The following RSRC1 variants were observed in gnomAD, a reference collection of about 807,000 sequenced individuals.
RSRC1 encodes serine/Arginine-related protein 53.
A neutral mutation model predicts 49.1 loss-of-function variants in RSRC1; 39 were observed. The observed-to-expected ratio is 0.79, with a 90% confidence interval of 0.61 to 1.04. The LOEUF (loss-of-function observed/expected upper bound fraction) is 1.04, where lower values mean the gene tolerates loss of function less well. Among genes scored for constraint, RSRC1 ranks in the 50% least tolerant of loss-of-function variants. The probability of loss-of-function intolerance (pLI) is 0.00; values close to 1 mark genes in which losing one functional copy is unlikely to be tolerated. For synonymous variants in RSRC1, 143 were observed against 130.8 expected (o/e 1.09, Z -0.63); for missense variants, 388 against 402.4 (o/e 0.96, Z 0.31).
At chr3:158,196,973 G>A (rs182324682) in intron 3 of RSRC1, among the ~76,000 whole-genome samples, 14 of 152,146 alleles carry the variant, frequency 9.2e-5, no homozygotes, top group East Asian at 3.9e-4. Context: ...TTTTTTTGTT[G>A]TGTCTCTGCC....
chr3:158,397,519 G>A (rs1028743991), intron 6 of RSRC1, among the ~76,000 whole-genome samples: 1 of 152,032 alleles, frequency 6.6e-6, no homozygotes, highest in Non-Finnish European at 1.5e-5. Context: ...AAATGACCCA[G>A]CATTTCATTT....
intron 4 of RSRC1, among the ~76,000 whole-genome samples, chr3:158,283,536 C>T (rs1726306426): frequency 6.6e-6 from 1 of 151,794 alleles, no homozygotes; most frequent in Non-Finnish European, 1.5e-5. Flanking sequence ...AGCACAAGAC[C>T]ATTTCGTGAA....
At chr3:158,246,608 T>A (rs1723916387) in intron 4 of RSRC1, among the ~76,000 whole-genome samples, 1 of 152,202 alleles carries the variant, frequency 6.6e-6, no homozygotes, top group African/African-American at 2.4e-5. Context: ...TTTGCTTGTC[T>A]GAAGAGGATT....
At chr3:158,470,870 T>C (rs1560056952) in intron 7 of RSRC1, among the ~76,000 whole-genome samples, 1 of 152,152 alleles carries the variant, frequency 6.6e-6, no homozygotes, top group Non-Finnish European at 1.5e-5. Context: ...GTACAGTGCA[T>C]TAGACAATAC....
At chr3:158,195,462 G>A (rs1208183624) in intron 3 of RSRC1, among the ~76,000 whole-genome samples, 2 of 151,852 alleles carry the variant, frequency 1.3e-5, no homozygotes, top group African/African-American at 4.8e-5. Context: ...TGTTCACTCT[G>A]ATGGTAGTTT....
chr3:158,453,770 A>T (rs941107607), intron 6 of RSRC1, among the ~76,000 whole-genome samples: 2 of 151,988 alleles, frequency 1.3e-5, no homozygotes, highest in Non-Finnish European at 2.9e-5. Context: ...TTTCTAATGT[A>T]TGGCCCTGTG....
intron 6 of RSRC1, among the ~76,000 whole-genome samples, chr3:158,452,934 C>G (rs1270228432): frequency 1.3e-5 from 2 of 152,182 alleles, no homozygotes; most frequent in African/African-American, 4.8e-5. Flanking sequence ...TGCATGCTTT[C>G]TGCCCTCTTT....
chr3:158,221,927 C>T (rs781444908), intron 4 of RSRC1, among the ~76,000 whole-genome samples: 12 of 151,500 alleles, frequency 7.9e-5, no homozygotes, highest in Admixed American at 2.0e-4. Flanking sequence ...ATACTTCCAA[C>T]ATTTTCAGTA....
At chr3:158,438,308 G>GA (rs780917467) in intron 6 of RSRC1, among the ~76,000 whole-genome samples, 3 of 152,192 alleles carry the variant, frequency 2.0e-5, no homozygotes, top group Non-Finnish European at 4.4e-5. Flanking sequence ...CACAGAATTG[G>GA]AAAAAACTAC....
chr3:158,240,181 A>G lies in RSRC1; in HGVS notation c.494+36936A>G, dbSNP rs1279556676. Among the ~76,000 whole-genome samples, 3 of 152,072 alleles carry G rather than the reference A, an allele frequency of 2.0e-5. No individual in the cohort carries two copies. In the East Asian group the frequency reaches 5.8e-4, roughly 29 times the overall value. ...TGTTGCCTGTCTGCCTATTACAGTT[A>G]TTATTTTTTATCACTCATATCTTTG... On this transcript the variant is annotated intron_variant, in intron 4 of 9. Coordinates refer to ENST00000611884, the MANE Select transcript of RSRC1 (RefSeq NM_001271838.2).
At chr3:158,156,129 A>G (rs1325688626) in intron 3 of RSRC1, among the ~76,000 whole-genome samples, 2 of 152,164 alleles carry the variant, frequency 1.3e-5, no homozygotes, top group Admixed American at 1.3e-4. Flanking sequence ...TCTTAGCTGT[A>G]TCTTCTGGAT....
chr3:158,336,779 G>A (rs827183), intron 5 of RSRC1: 142,412 of 152,264 alleles, frequency 0.94, 66,677 homozygotes, highest in East Asian at 1. Context: ...CTCTGCTTCA[G>A]TAGTAACAGT....
intron 4 of RSRC1, among the ~76,000 whole-genome samples, chr3:158,215,415 T>A (rs950165997): frequency 6.6e-6 from 1 of 151,492 alleles, no homozygotes; most frequent in Non-Finnish European, 1.5e-5. Flanking sequence ...GCATCTGGCC[T>A]TGTATTCATT....
At chr3:158,229,293 C>G (rs1440986873) in intron 4 of RSRC1, among the ~76,000 whole-genome samples, 3 of 137,264 alleles carry the variant, frequency 2.2e-5, no homozygotes, top group Admixed American at 7.2e-5. Context: ...CATACACACA[C>G]GTATATGTGT....
At chr3:158,314,428 A>G (rs1485146378) in intron 5 of RSRC1, among the ~76,000 whole-genome samples, 1 of 148,996 alleles carries the variant, frequency 6.7e-6, no homozygotes, top group Non-Finnish European at 1.5e-5. Context: ...TACTTCATTC[A>G]CTGATACTGT....
intron 7 of RSRC1, among the ~76,000 whole-genome samples, chr3:158,478,778 G>A (rs1191470928): frequency 6.6e-6 from 1 of 151,916 alleles, no homozygotes; most frequent in African/African-American, 2.4e-5. Context: ...AGTCTGGTCA[G>A]TTTCATCCCA....
chr3:158,486,434 A>G (rs1333761782), intron 7 of RSRC1, among the ~76,000 whole-genome samples: 3 of 152,166 alleles, frequency 2.0e-5, no homozygotes. Flanking sequence ...CTTGTTCTAA[A>G]AAAGTTTGCA....
chr3:158,175,208 A>G (rs776922833), intron 3 of RSRC1, among the ~76,000 whole-genome samples: 1 of 151,668 alleles, frequency 6.6e-6, no homozygotes, highest in East Asian at 1.9e-4. Context: ...GTTTTTTTTC[A>G]TATATTCTGG....
At chr3:158,521,091 T>C (rs1711647893) in intron 7 of RSRC1, among the ~76,000 whole-genome samples, 1 of 152,208 alleles carries the variant, frequency 6.6e-6, no homozygotes, top group African/African-American at 2.4e-5. Context: ...GCCACTACCA[T>C]CTCTCCATTC....
Sources: allele counts gnomAD v4.1 joint callset (sites outside exome capture counted in the v4.1 genomes callset), GRCh38; gene constraint gnomAD v4.1.1; transcripts MANE v1.5; gene names NCBI Gene and HGNC (gene_info 2026-07-23, HGNC 2026-07-21).